Variants in C1QTNF7 observed in about 807,000 individuals in gnomAD.
C1QTNF7 encodes the protein C1q and TNF related 7, also known as complement C1q tumor necrosis factor-related protein 7.
Under a neutral mutation model 19.6 loss-of-function variants are expected in C1QTNF7, and 15 were observed. The observed-to-expected ratio is 0.76, with a 90% confidence interval of 0.51 to 1.18. C1QTNF7 has a LOEUF of 1.18. Ranked by LOEUF, C1QTNF7 falls within the 50% of genes most tolerant of loss-of-function variation. The probability of loss-of-function intolerance (pLI) is 0.00; values close to 1 mark genes in which losing one functional copy is unlikely to be tolerated. For synonymous variants in C1QTNF7, 142 were observed against 137.5 expected, an observed-to-expected ratio of 1.03 and a Z score of -0.23; for missense variants, 324 against 359.7, an observed-to-expected ratio of 0.90 and a Z score of 0.80.
chr4:15,430,400 C>G (rs1026295847), intron 1 of C1QTNF7, among the ~76,000 whole-genome samples: 1 of 152,140 alleles, frequency 6.6e-6, no homozygotes, highest in Non-Finnish European at 1.5e-5. Flanking sequence ...ACCTGGGTAA[C>G]TTGGTGAAAC....
At chr4:15,352,707 C>T (rs1716980036) in intron 1 of C1QTNF7, among the ~76,000 whole-genome samples, 1 of 152,150 alleles carries the variant, frequency 6.6e-6, no homozygotes, top group South Asian at 2.1e-4. Flanking sequence ...CAGCATCTTG[C>T]ACTAAGGGCT....
At chr4:15,433,681 C>T (rs1018767470) in intron 1 of C1QTNF7, among the ~76,000 whole-genome samples, 1 of 152,170 alleles carries the variant, frequency 6.6e-6, no homozygotes, top group African/African-American at 2.4e-5. Flanking sequence ...AGTGAGAACA[C>T]ATATCACCAG....
At chr4:15,426,537 T>C (rs941411234), upstream of C1QTNF7, among the ~76,000 whole-genome samples, 1 of 152,210 alleles carries the variant, frequency 6.6e-6, no homozygotes, top group Admixed American at 6.5e-5. Context: ...ACTTTAATGA[T>C]ACAAAAAACC....
intron 1 of C1QTNF7, among the ~76,000 whole-genome samples, chr4:15,357,055 A>C (rs1208370192): frequency 1.3e-5 from 2 of 150,236 alleles, no homozygotes; most frequent in African/African-American, 4.9e-5. Flanking sequence ...TTGCCTGTTC[A>C]CTCTGATGAT....
At chr4:15,361,604 A>G (rs1238812012) in intron 1 of C1QTNF7, among the ~76,000 whole-genome samples, 1 of 152,152 alleles carries the variant, frequency 6.6e-6, no homozygotes, top group Non-Finnish European at 1.5e-5. Context: ...GTGTATTCAG[A>G]GCAATATTTC....
intron 1 of C1QTNF7, chr4:15,381,716 C>G (rs1020495519): frequency 1.3e-5 from 2 of 152,138 alleles, no homozygotes; most frequent in Admixed American, 6.5e-5. Flanking sequence ...ACTAGACATT[C>G]AGGAAATGGT....
Position 15,342,428 on chromosome 4 carries a change from C to T in C1QTNF7, c.13+2221C>T, listed in dbSNP as rs112380186. ...AATAAACCTTAACCGAGTGTCCACT[C>T]TGTGCCAGATACTTTATCAACGCTC... On this transcript the variant is annotated intron_variant, in intron 1 of 2. Transcript: ENST00000295297. Among the ~76,000 whole-genome samples, 260 of 152,332 alleles carry T rather than the reference C, an allele frequency of 1.7e-3. 2 individuals are homozygous for T. Among genetic ancestry groups the T allele is most frequent in the African/African-American group, 6.0e-3 (251 of 41,578 alleles).
At chr4:15,347,678 A>T (rs2109283496) in intron 1 of C1QTNF7, among the ~76,000 whole-genome samples, 1 of 152,318 alleles carries the variant, frequency 6.6e-6, no homozygotes, top group African/African-American at 2.4e-5. Context: ...GAGTTCACTT[A>T]GTGATATCTA....
chr4:15,423,392 G>A (rs945100054), upstream of C1QTNF7, among the ~76,000 whole-genome samples: 3 of 152,190 alleles, frequency 2.0e-5, no homozygotes, highest in Non-Finnish European at 4.4e-5. Context: ...TTCATTCCAT[G>A]AGTCACTGAA....
intron 1 of C1QTNF7, among the ~76,000 whole-genome samples, chr4:15,391,680 GCAA>G (rs1441107563): frequency 2.6e-5 from 4 of 152,136 alleles, no homozygotes; most frequent in African/African-American, 4.8e-5. Context: ...GTGTCTCCCA[GCAA>G]CAATATGTAT....
chr4:15,435,004 C>G (rs1712469788), intron 1 of C1QTNF7, among the ~76,000 whole-genome samples: 1 of 152,112 alleles, frequency 6.6e-6, no homozygotes, highest in African/African-American at 2.4e-5. Context: ...CCTGAAAATG[C>G]CTCCTCTTTT....
chr4:15,439,082 C>T (rs1454039882), intron 2 of C1QTNF7, among the ~76,000 whole-genome samples: 3 of 152,042 alleles, frequency 2.0e-5, no homozygotes, highest in Non-Finnish European at 4.4e-5. Flanking sequence ...TAACTCTTAC[C>T]CCCATAATCC....
rs941144024 is a variant in C1QTNF7 at position 15,363,035 on chromosome 4, T to G, written c.13+22828T>G. 2.6e-5 allele frequency among the ~76,000 whole-genome samples: 4 copies of G among 152,342 alleles called. No homozygotes were observed. The East Asian group carries it at 7.7e-4, about 29-fold the overall frequency. On this transcript the variant is annotated intron_variant, in intron 1 of 2. Transcript: ENST00000295297. ...AGAATTTGAACCTGGGTTCCCTGCC[T>G]TGAAATTTTGTACTTTTTTTTCTCC... is the stretch of plus-strand genomic sequence containing the variant.
Position 15,408,083 on chromosome 4 carries a change from A to G in C1QTNF7, c.14-27653A>G, listed in dbSNP as rs539332942. The stretch of plus-strand genomic sequence containing the variant: ...GGAGTTCGAGAGCAGCCTGGCCAAT[A>G]TGGTGAAATCCCATCTCTACTAAAA... On this transcript the variant is annotated intron_variant, in intron 1 of 2. Coordinates refer to the C1QTNF7 transcript ENST00000295297. Among the ~76,000 whole-genome samples the G allele has an allele frequency of 5.3e-5, 8 of 152,174 alleles. No individual in the cohort carries two copies. In the East Asian group the frequency reaches 1.2e-3, roughly 22 times the overall value.
At chr4:15,392,451 CCATCACAGG>C (rs1266423772) in intron 1 of C1QTNF7, among the ~76,000 whole-genome samples, 1 of 152,214 alleles carries the variant, frequency 6.6e-6, no homozygotes, top group Admixed American at 6.5e-5. Flanking sequence ...CCCTTCAGCC[CCATCACAGG>C]CACCTGTGCA....
intron 1 of C1QTNF7, among the ~76,000 whole-genome samples, chr4:15,354,636 C>T (rs992839386): frequency 1.3e-5 from 2 of 152,010 alleles, no homozygotes; most frequent in Non-Finnish European, 2.9e-5. Context: ...GGTCTAAATC[C>T]CTGGACTTTG....
At position 15,442,153 on chromosome 4, in the gene C1QTNF7, A is replaced by G. The variant is rs1712784426; in HGVS notation, c.239-15A>G. 2 of 1,582,344 alleles carry G rather than the reference A, an allele frequency of 1.3e-6. No homozygotes were observed. The highest frequency in any genetic ancestry group is 1.9e-5 in the Admixed American group (1 of 52,726). ...TTTGAGGAACTATTAATCAAACTAT[A>G]TACTCTTTCTGAAGGTTTGAGAGGT... On this transcript the variant is annotated splice_polypyrimidine_tract_variant and intron_variant, in intron 2 of 2. Transcript: ENST00000444304.
chr4:15,347,737 G>A (rs1296094836), intron 1 of C1QTNF7, among the ~76,000 whole-genome samples: 1 of 152,144 alleles, frequency 6.6e-6, no homozygotes, highest in Non-Finnish European at 1.5e-5. Flanking sequence ...GATATTGCCT[G>A]ACAGCCCAGA....
chr4:15,428,294 A>G (rs925301074), intron 1 of C1QTNF7, among the ~76,000 whole-genome samples, 188 bp downstream of exon 1: 2 of 152,172 alleles, frequency 1.3e-5, no homozygotes, highest in African/African-American at 4.8e-5. Flanking sequence ...GGGACTTCTC[A>G]GGACCTTGGT....
Sources: allele counts gnomAD v4.1 joint callset (sites outside exome capture counted in the v4.1 genomes callset), GRCh38; gene constraint gnomAD v4.1.1; transcripts MANE v1.5; gene names NCBI Gene and HGNC (gene_info 2026-07-23, HGNC 2026-07-21).